PARVA: variants seen among roughly 807,000 people sequenced by gnomAD.
PARVA encodes the protein alpha-parvin.
A neutral mutation model predicts 52.6 loss-of-function variants in PARVA; 25 were observed. That is an observed-to-expected ratio of 0.48 (90% CI 0.35 to 0.66). PARVA has a LOEUF of 0.66. Among genes scored for constraint, PARVA ranks in the 30% least tolerant of loss-of-function variants. PARVA has a pLI of 0.01. For synonymous variants in PARVA, 185 were observed against 179.1 expected, an observed-to-expected ratio of 1.03 and a Z score of -0.26; for missense variants, 373 against 450.9, an observed-to-expected ratio of 0.83 and a Z score of 1.56.
At chr11:12,388,302 A>G (rs1442217877) in intron 1 of PARVA, among the ~76,000 whole-genome samples, 3 of 152,248 alleles carry the variant, frequency 2.0e-5, no homozygotes, top group East Asian at 1.9e-4. Context: ...ATCTGGTTCT[A>G]CTAGCATTTA....
intron 5 of PARVA, among the ~76,000 whole-genome samples, chr11:12,503,168 T>C (rs920679670): frequency 6.6e-6 from 1 of 152,182 alleles, no homozygotes; most frequent in Non-Finnish European, 1.5e-5. Context: ...TTAAAGGGCA[T>C]TGCCTACAGT....
chr11:12,492,852 A>C (rs867910117), intron 4 of PARVA, among the ~76,000 whole-genome samples: 1 of 145,016 alleles, frequency 6.9e-6, no homozygotes, highest in African/African-American at 2.5e-5. Context: ...CACACACACA[A>C]GATGTTTATT....
intron 7 of PARVA, among the ~76,000 whole-genome samples, chr11:12,509,078 T>G (rs1941471561): frequency 7.0e-6 from 1 of 143,102 alleles, no homozygotes; most frequent in African/African-American, 2.7e-5. Flanking sequence ...TGGGGTGGTT[T>G]TTTTTTTTTT....
intron 5 of PARVA, 112 bp from the exon 6 acceptor site, chr11:12,504,202 G>T (rs1273156000): frequency 3.1e-6 from 2 of 655,332 alleles, no homozygotes; most frequent in Non-Finnish European, 5.5e-6. Context: ...ATTTGGGCAG[G>T]GACAAATATC....
At chr11:12,431,334 T>A (rs548092330) in intron 1 of PARVA, among the ~76,000 whole-genome samples, 6 of 152,318 alleles carry the variant, frequency 3.9e-5, no homozygotes, top group African/African-American at 1.4e-4. Flanking sequence ...ATTCTTTCAA[T>A]CTTGGCCTTG....
intron 1 of PARVA, among the ~76,000 whole-genome samples, chr11:12,434,579 CAT>C (rs1341754587): frequency 6.6e-6 from 1 of 152,202 alleles, no homozygotes; most frequent in African/African-American, 2.4e-5. Context: ...TGTCTGAACA[CAT>C]AGTGCCCTCT....
intron 1 of PARVA, among the ~76,000 whole-genome samples, chr11:12,456,388 A>G (rs1940696336): frequency 6.6e-6 from 1 of 152,136 alleles, no homozygotes; most frequent in Admixed American, 6.5e-5. Context: ...CTACCTTTCT[A>G]CAGAGCCCAG....
intron 12 of PARVA, 147 bp from the exon 13 acceptor site, chr11:12,527,702 T>C (rs1341412154): frequency 1.4e-6 from 1 of 700,434 alleles, no homozygotes; most frequent in Non-Finnish European, 2.6e-6. Context: ...CCCCCTGCTC[T>C]GAATTCTCGC....
At position 12,528,045 on chromosome 11, in the gene PARVA, G is replaced by C; in HGVS notation, c.*120G>C. 1 of 756,034 alleles carries C rather than the reference G, an allele frequency of 1.3e-6. No individual in the cohort carries two copies. The highest frequency in any genetic ancestry group is 1.5e-5 in the South Asian group (1 of 67,874). The allele number at this position is 756,034 out of a possible 1,614,324, so 46.8% of individuals were successfully genotyped here. A position where few individuals can be genotyped will look rare whatever the true frequency, so the allele number is the denominator to read the frequency against. ...TGCACTGTGCTCTCCCACAAGTCCA[G>C]CTGCAACCCAGAGATAGTGGAAACT... On this transcript the variant is annotated 3_prime_UTR_variant, in exon 13 of 13. Coordinates refer to ENST00000334956, the MANE Select transcript of PARVA (RefSeq NM_018222.5).
chr11:12,433,502 GTTTTGTT>G (rs539722797), intron 1 of PARVA, among the ~76,000 whole-genome samples: 85 of 152,098 alleles, frequency 5.6e-4, no homozygotes, highest in Non-Finnish European at 6.8e-4. Context: ...GTTCTGTTTT[GTTTTGTT>G]TTTTGTTTTT....
intron 1 of PARVA, among the ~76,000 whole-genome samples, chr11:12,462,448 A>T (rs1940795684): frequency 6.6e-6 from 1 of 152,182 alleles, no homozygotes. Context: ...CCAAGGAATG[A>T]GGGCAGCCTC....
intron 5 of PARVA, among the ~76,000 whole-genome samples, chr11:12,502,206 G>A (rs1045042161): frequency 6.6e-6 from 1 of 152,188 alleles, no homozygotes; most frequent in Non-Finnish European, 1.5e-5. Flanking sequence ...GTGATGGTGA[G>A]CTGCTGTTCA....
intron 1 of PARVA, among the ~76,000 whole-genome samples, chr11:12,468,164 ATC>A (rs2135030470): frequency 6.6e-6 from 1 of 152,092 alleles, no homozygotes; most frequent in Non-Finnish European, 1.5e-5. Flanking sequence ...CTCTCCTTAC[ATC>A]TCTGTCACCT....
At chr11:12,419,308 C>T (rs546107512) in intron 1 of PARVA, among the ~76,000 whole-genome samples, 1 of 152,080 alleles carries the variant, frequency 6.6e-6, no homozygotes, top group Non-Finnish European at 1.5e-5. Context: ...AGCCAATATC[C>T]TGTTTTATGT....
intron 1 of PARVA, among the ~76,000 whole-genome samples, chr11:12,379,209 C>T (rs1939449023): frequency 6.7e-6 from 1 of 149,252 alleles, no homozygotes; most frequent in Non-Finnish European, 1.5e-5. Flanking sequence ...TTCTTTACTG[C>T]GACCTGTTTT....
chr11:12,483,381 A>G (rs1022984791), intron 4 of PARVA, among the ~76,000 whole-genome samples: 4 of 152,152 alleles, frequency 2.6e-5, no homozygotes, highest in African/African-American at 7.2e-5. Context: ...GTAAGAGGGG[A>G]AGAGAGAAAT....
intron 1 of PARVA, among the ~76,000 whole-genome samples, chr11:12,430,672 C>G (rs10734198): frequency 6.6e-6 from 1 of 152,124 alleles, no homozygotes; most frequent in Non-Finnish European, 1.5e-5. Context: ...TCCATCTCAC[C>G]CTTATTTTCC....
chr11:12,508,113 A>C lies in PARVA; in HGVS notation c.658-471A>C, dbSNP rs1215611200. ...TATTTATCAGTTAAAAAAAAAAAAA[A>C]AAAAAAAAACCAAAAAAAAAAACCC... On this transcript the variant is annotated intron_variant, in intron 6 of 12. Coordinates refer to ENST00000334956, the MANE Select transcript of PARVA (RefSeq NM_018222.5). 3.5e-4 allele frequency among the ~76,000 whole-genome samples: 45 copies of C among 128,574 alleles called. 1 individual carries two copies. The highest frequency in any genetic ancestry group is 9.4e-4 in the Admixed American group (13 of 13,882). The allele number at this position is 128,574 out of a possible 152,430, so 84.3% of individuals were successfully genotyped here.
chr11:12,402,185 A>G (rs1939837653), intron 1 of PARVA, among the ~76,000 whole-genome samples: 1 of 152,192 alleles, frequency 6.6e-6, no homozygotes, highest in Non-Finnish European at 1.5e-5. Flanking sequence ...GGGAGCAGTG[A>G]CTACCCTTAG....
Sources: allele counts gnomAD v4.1 joint callset (sites outside exome capture counted in the v4.1 genomes callset), GRCh38; gene constraint gnomAD v4.1.1; transcripts MANE v1.5; gene names NCBI Gene and HGNC (gene_info 2026-07-23, HGNC 2026-07-21).